The following UBXN8 variants were observed in gnomAD, a reference collection of about 807,000 sequenced individuals.
UBXN8 encodes UBX domain-containing protein 8.
Under a neutral mutation model 32.1 loss-of-function variants are expected in UBXN8, and 27 were observed. The observed-to-expected ratio is 0.84, with a 90% confidence interval of 0.62 to 1.16. The LOEUF (loss-of-function observed/expected upper bound fraction) is 1.16. Among genes scored for constraint, UBXN8 ranks in the 50% most tolerant of loss-of-function variants. The pLI, the probability that UBXN8 is intolerant of heterozygous loss-of-function variation, is 0.00. For missense variants in UBXN8, 306 were observed against 311.4 expected (o/e 0.98, Z 0.13); for synonymous variants, 109 against 111.8 (o/e 0.98, Z 0.16).
chr8:30,738,533 C>T (rs560357862), intron 1 of UBXN8, among the ~76,000 whole-genome samples: 4 of 150,276 alleles, frequency 2.7e-5, no homozygotes, highest in South Asian at 2.1e-4. Flanking sequence ...TGGTGGCAGG[C>T]GCCTGTAGTC....
chr8:30,743,798 A>C (rs1031234522), upstream of UBXN8, among the ~76,000 whole-genome samples: 1 of 152,226 alleles, frequency 6.6e-6, no homozygotes, highest in Non-Finnish European at 1.5e-5. Context: ...CTATACGGCC[A>C]CAAGGCCGGG....
upstream of UBXN8, chr8:30,744,067 C>A (rs1486330734): frequency 2.5e-6 from 2 of 792,528 alleles, no homozygotes; most frequent in African/African-American, 1.7e-5. Flanking sequence ...ACACGGCCGT[C>A]AGTATTTACC....
upstream of UBXN8, chr8:30,732,504 A>C (rs1335774950): frequency 2.9e-6 from 1 of 341,654 alleles, no homozygotes; most frequent in African/African-American, 2.2e-5. Flanking sequence ...GGGGTTTTGC[A>C]GACTGTGGAT....
intron 1 of UBXN8, 36 bp from the exon 2 acceptor site, chr8:30,751,360 T>C: frequency 9.8e-6 from 15 of 1,534,272 alleles, no homozygotes; most frequent in Non-Finnish European, 1.1e-5. Flanking sequence ...AAAAAAAAAG[T>C]TTTGAATTTT....
In UBXN8 at chr8:30,754,510, G is replaced by A. The variant is rs779922265; in HGVS notation, c.283-155G>A. On this transcript the variant is annotated intron_variant, in intron 3 of 7. Coordinates refer to ENST00000265616, the MANE Select transcript of UBXN8 (RefSeq NM_005671.4). The stretch of plus-strand genomic sequence containing the variant: ...CCGCTTGCTGTCCAGCTGTCGGCAC[G>A]AGCCTCCCCACAACCAAGCAGCCAA... 696 of 968,522 alleles carry A rather than the reference G, an allele frequency of 7.2e-4. 6 individuals are homozygous for A. The highest frequency in any genetic ancestry group is 6.3e-4 in the Admixed American group (27 of 42,682). 60.0% of individuals were successfully genotyped at this position (968,522 alleles called of 1,614,324 possible). A position where few individuals can be genotyped will look rare whatever the true frequency, so the allele number is the denominator to read the frequency against.
At position 30,766,836 on chromosome 8, in the gene UBXN8, G is replaced by A. The variant is rs562761718; in HGVS notation, c.*442G>A. On this transcript the variant is annotated 3_prime_UTR_variant, in exon 8 of 8. Transcript: ENST00000265616. ...TTAAAAACTTGGAAGAAGCTTCAAA[G>A]CTCTTGGAGGCTTTAAAGTTCTTTC... is the stretch of plus-strand genomic sequence containing the variant. The A allele has an allele frequency of 6.6e-6, 1 of 152,484 alleles. No individual in the cohort carries two copies. The highest frequency in any genetic ancestry group is 1.9e-4 in the East Asian group (1 of 5,188). The allele number at this position is 152,484 out of a possible 1,614,324, so 9.4% of individuals were successfully genotyped here.
intron 1 of UBXN8, among the ~76,000 whole-genome samples, chr8:30,749,559 C>T (rs1227889515): frequency 6.6e-6 from 1 of 151,200 alleles, no homozygotes; most frequent in Non-Finnish European, 1.5e-5. Flanking sequence ...TTTGGTGTTT[C>T]AGTGAGATTA....
intron 2 of UBXN8, among the ~76,000 whole-genome samples, chr8:30,752,196 C>T (rs1456174235): frequency 1.3e-5 from 2 of 152,168 alleles, no homozygotes; most frequent in Admixed American, 1.3e-4. Context: ...GGCCAATCTA[C>T]CATTAATCTT....
intron 7 of UBXN8, among the ~76,000 whole-genome samples, chr8:30,765,548 G>A (rs201470142): frequency 9.4e-6 from 1 of 106,144 alleles, no homozygotes; most frequent in Non-Finnish European, 2.1e-5. Context: ...ATATATATAT[G>A]TGTGTGTGTA....
At chr8:30,733,745 C>T (rs569718339) in intron 1 of UBXN8, 3 of 152,458 alleles carry the variant, frequency 2.0e-5, no homozygotes, top group East Asian at 3.9e-4. Context: ...TTCCTAGGCT[C>T]AAGAGATCCT....
intron 1 of UBXN8, among the ~76,000 whole-genome samples, chr8:30,738,115 G>A (rs537824710): frequency 3.4e-4 from 51 of 151,134 alleles, no homozygotes; most frequent in African/African-American, 1.2e-3. Context: ...AAAAAAAATA[G>A]GAGAATCTCT....
intron 1 of UBXN8, among the ~76,000 whole-genome samples, chr8:30,750,038 G>A (rs1805478804): frequency 6.6e-6 from 1 of 152,170 alleles, no homozygotes; most frequent in South Asian, 2.1e-4. Flanking sequence ...CCAAGATAGT[G>A]TTTATTCTAG....
At chr8:30,739,097 C>A (rs1029490031) in intron 1 of UBXN8, among the ~76,000 whole-genome samples, 2 of 150,380 alleles carry the variant, frequency 1.3e-5, no homozygotes, top group African/African-American at 2.4e-5. Flanking sequence ...GGAGACCAGA[C>A]GAGTGGTTTC....
chr8:30,729,273 C>G (rs115036874), upstream of UBXN8, among the ~76,000 whole-genome samples: 11,169 of 152,258 alleles, frequency 0.073, 1,156 homozygotes, highest in African/African-American at 0.23. Context: ...GTGGCAGGCC[C>G]CCGTGGAGTA....
At chr8:30,758,566 C>T (rs985221018) in intron 5 of UBXN8, among the ~76,000 whole-genome samples, 3 of 152,348 alleles carry the variant, frequency 2.0e-5, no homozygotes, top group African/African-American at 7.2e-5. Flanking sequence ...TATTGCTTCT[C>T]AATCTGAGAT....
upstream of UBXN8, among the ~76,000 whole-genome samples, chr8:30,742,989 T>G (rs1328348147): frequency 6.6e-6 from 1 of 152,156 alleles, no homozygotes; most frequent in Non-Finnish European, 1.5e-5. Flanking sequence ...CCAAGAGTTG[T>G]AGAGTACCAA....
chr8:30,756,293 A>C (rs558019427), intron 4 of UBXN8: 1 of 156,950 alleles, frequency 6.4e-6, no homozygotes, highest in East Asian at 1.8e-4. Context: ...GGTAACTGCC[A>C]CCGCGCCCAG....
In UBXN8 at chr8:30,760,891, C is replaced by G. The variant is rs1268545840; in HGVS notation, c.532C>G (p.Pro178Ala). ...TCTTACCAATACTTTTCTTTAGATTCCTGATTTACCTGAAGAACCTTCTCA... is the reference window on the plus strand; with the variant it reads ...TCTTACCAATACTTTTCTTTAGATTGCTGATTTACCTGAAGAACCTTCTCA... ...PAEQPTCKEI[P>A]DLPEEPSQTA... The change falls in exon 6 of 8, where the codon CCT (proline) becomes GCT (alanine). Residue 178 changes from proline to alanine, a missense_variant. Pro to Ala is a conservative substitution (Grantham distance 27, BLOSUM62 -1). Transcript: ENST00000265616. The G allele has an allele frequency of 1.2e-5, 18 of 1,532,752 alleles. No individual in the cohort carries two copies. Among genetic ancestry groups the G allele is most frequent in the Admixed American group, 6.6e-5 (3 of 45,422 alleles). The allele number at this position is 1,532,752 out of a possible 1,614,324, so 94.9% of individuals were successfully genotyped here.
exon 1 of UBXN8, chr8:30,733,222 T>C (rs1805007713): frequency 6.6e-6 from 1 of 152,236 alleles, no homozygotes; most frequent in Admixed American, 6.5e-5. Context: ...CTGGACACTG[T>C]TGTTGAAGCC....
Sources: allele counts gnomAD v4.1 joint callset (sites outside exome capture counted in the v4.1 genomes callset), GRCh38; gene constraint gnomAD v4.1.1; transcripts MANE v1.5; gene names NCBI Gene and HGNC (gene_info 2026-07-23, HGNC 2026-07-21).